PXDC1: variants seen among roughly 807,000 people sequenced by gnomAD.
PXDC1 encodes PX domain containing 1.
Under a neutral mutation model 24.4 loss-of-function variants are expected in PXDC1, and 13 were observed. That is an observed-to-expected ratio of 0.53 (90% confidence interval 0.35 to 0.85). The LOEUF (loss-of-function observed/expected upper bound fraction) is 0.85. PXDC1 is among the 40% of genes least tolerant of loss of function. PXDC1 has a pLI of 0.01. For synonymous variants in PXDC1, 162 were observed against 124.9 expected (o/e 1.30, Z -1.98); for missense variants, 344 against 309.3 (o/e 1.11, Z -0.84).
At position 3,743,691 on chromosome 6, in the gene PXDC1, G is replaced by A. The variant is rs969929510; in HGVS notation, c.257-5543C>T. On this transcript the variant is annotated intron_variant, in intron 1 of 4. Coordinates refer to ENST00000380283, the MANE Select transcript of PXDC1 (RefSeq NM_183373.4). The stretch of plus-strand genomic sequence containing the variant: ...GGAAGTTCTAACTCCCTGGGAACCT[G>A]AGGCTGCTCTTCGCTATCCGAGACT... 3.3e-5 allele frequency among the ~76,000 whole-genome samples: 5 copies of A among 152,230 alleles called. 1 individual carries two copies. Among genetic ancestry groups the A allele is most frequent in the Non-Finnish European group, 7.3e-5 (5 of 68,042 alleles).
At chr6:3,751,199 A>G in intron 1 of PXDC1, 77 bp downstream of exon 1, 1 of 1,136,416 alleles carries the variant, frequency 8.8e-7, no homozygotes, top group Non-Finnish European at 1.2e-6. Flanking sequence ...ATCTCGGTTG[A>G]AGTCTCTTCC....
At position 3,742,640 on chromosome 6, in the gene PXDC1, G is replaced by C. The variant is rs116276193; in HGVS notation, c.257-4492C>G. On this transcript the variant is annotated intron_variant, in intron 1 of 4. Coordinates refer to ENST00000380283, the MANE Select transcript of PXDC1 (RefSeq NM_183373.4). ...CACGCTTAAGGAAGTTAGCCTCAGA[G>C]TTCACAGCCCCGGAAACTGTTCTAA... 8.6e-3 allele frequency among the ~76,000 whole-genome samples: 1,313 copies of C among 152,304 alleles called. 24 individuals are homozygous for C. The highest frequency in any genetic ancestry group is 0.03 in the African/African-American group (1,257 of 41,550).
intron 1 of PXDC1, among the ~76,000 whole-genome samples, chr6:3,748,899 C>T (rs573887003): frequency 6.6e-6 from 1 of 152,380 alleles, no homozygotes; most frequent in South Asian, 2.1e-4. Context: ...AAAGCACACA[C>T]ATCTGGCTGC....
Position 3,728,464 on chromosome 6 carries a change from T to G in PXDC1, c.467-802A>C, listed in dbSNP as rs1420061115. On this transcript the variant is annotated intron_variant, in intron 3 of 4. Transcript: ENST00000380283. This position sits in a 1 kb window ranked among gnomAD's most constrained non-coding sequence, Gnocchi z 4.0. Reference sequence around the variant, plus strand: ...TTTATGTAATTCTGTATGTAAATGATTTTTTTCCCAAATAAGCACAGATTC... The same window carrying G: ...TTTATGTAATTCTGTATGTAAATGAGTTTTTTCCCAAATAAGCACAGATTC... 1.3e-5 allele frequency among the ~76,000 whole-genome samples: 2 copies of G among 152,174 alleles called. No homozygotes were observed. The highest frequency in any genetic ancestry group is 4.8e-5 in the African/African-American group (2 of 41,432).
chr6:3,743,759 A>G (rs1363204748), intron 1 of PXDC1, among the ~76,000 whole-genome samples: 1 of 152,186 alleles, frequency 6.6e-6, no homozygotes, highest in African/African-American at 2.4e-5. Context: ...ATAACTGTAC[A>G]AGGAGAGCGA....
rs538862361 is a variant in PXDC1, at chr6:3,751,521, G to A, written c.11C>T (p.Ala4Val). 10 of 1,587,658 alleles carry A rather than the reference G, an allele frequency of 6.3e-6. No individual in the cohort carries two copies. Among genetic ancestry groups the A allele is most frequent in the East Asian group, 4.6e-5 (2 of 43,090 alleles). MAS[A>V]VFEGTSLVNM... ...CACGAGCGACGTGCCCTCAAACACC[G>A]CCGAGGCCATGTCGCACGCATGCCC... The change falls in exon 1 of 5, where the codon GCG becomes GTG. Residue 4 changes from alanine to valine, a missense_variant. Physicochemically the swap from Ala to Val is moderately conservative, Grantham distance 64 (BLOSUM62 0). Coordinates refer to ENST00000380283, the MANE Select transcript of PXDC1 (RefSeq NM_183373.4).
In PXDC1 at chr6:3,724,851, C is replaced by T. The variant is rs1760023153; in HGVS notation, c.579-1115G>A. 6.6e-6 allele frequency among the ~76,000 whole-genome samples: 1 copy of T among 152,230 alleles called. No individual in the cohort carries two copies. Among genetic ancestry groups the T allele is most frequent in the Non-Finnish European group, 1.5e-5 (1 of 68,034 alleles). ...TACATCGTGCGAATCCCGCTGACCT[C>T]AAGGGACAGGGCTGTGAAGACAGCT... On this transcript the variant is annotated intron_variant, in intron 4 of 4. Coordinates refer to ENST00000380283, the MANE Select transcript of PXDC1 (RefSeq NM_183373.4). This position sits in a 1 kb window ranked among gnomAD's most constrained non-coding sequence, Gnocchi z 4.5.
intron 1 of PXDC1, 130 bp downstream of exon 1, chr6:3,751,146 C>A: frequency 2.8e-6 from 2 of 719,290 alleles, no homozygotes; most frequent in Non-Finnish European, 4.1e-6. Flanking sequence ...GGCGCGGGGT[C>A]CAAGTGTCCC....
In PXDC1 at chr6:3,728,489, C is replaced by T. The variant is rs111300625; in HGVS notation, c.467-827G>A. Among the ~76,000 whole-genome samples the T allele has an allele frequency of 8.4e-3, 1,283 of 152,146 alleles. 19 individuals are homozygous for T. The highest frequency in any genetic ancestry group is 0.029 in the African/African-American group (1,217 of 41,512). ...TTTTTTTCCCAAATAAGCACAGATT[C>T]GGGTAATTTAGAAAAGCCAGCAAAG... is the stretch of plus-strand genomic sequence containing the variant. On this transcript the variant is annotated intron_variant, in intron 3 of 4. Transcript: ENST00000380283. The surrounding 1 kb of genome is among the most constrained non-coding windows in gnomAD (Gnocchi z 4.0).
intron 3 of PXDC1, among the ~76,000 whole-genome samples, chr6:3,731,271 C>T (rs1022817490): frequency 1.3e-5 from 2 of 152,172 alleles, no homozygotes; most frequent in Non-Finnish European, 2.9e-5. Flanking sequence ...CATTTCCTCA[C>T]AGCTATTATG....
At chr6:3,743,150 C>T (rs1323544524) in intron 1 of PXDC1, among the ~76,000 whole-genome samples, 1 of 152,128 alleles carries the variant, frequency 6.6e-6, no homozygotes, top group Non-Finnish European at 1.5e-5. Context: ...CAGGGAGGAC[C>T]TTGGCCATCT....
rs971188109 is a variant in PXDC1, at chr6:3,724,617, G to A, written c.579-881C>T. On this transcript the variant is annotated intron_variant, in intron 4 of 4. Coordinates refer to ENST00000380283, the MANE Select transcript of PXDC1 (RefSeq NM_183373.4). The surrounding 1 kb of genome is among the most constrained non-coding windows in gnomAD (Gnocchi z 4.5). ...CAGGCCGCGTGGGAGTGTGGACAGAGGCAAGCAGCTGCCCCGCCCTCCTGG... is the reference window on the plus strand; with the variant it reads ...CAGGCCGCGTGGGAGTGTGGACAGAAGCAAGCAGCTGCCCCGCCCTCCTGG... Among the ~76,000 whole-genome samples, 2 of 152,190 alleles carry A rather than the reference G, an allele frequency of 1.3e-5. No homozygotes were observed. Among genetic ancestry groups the A allele is most frequent in the Admixed American group, 6.5e-5 (1 of 15,290 alleles).
intron 3 of PXDC1, among the ~76,000 whole-genome samples, chr6:3,734,586 C>A (rs1182558770): frequency 6.6e-6 from 1 of 152,100 alleles, no homozygotes; most frequent in Non-Finnish European, 1.5e-5. Flanking sequence ...GGAAAAAGGA[C>A]CCAGTCATCC....
chr6:3,728,008 G>A lies in PXDC1; in HGVS notation c.467-346C>T, dbSNP rs1201147090. ...ATCTGTGAGTCTGCGTGTGAGAGCA[G>A]AGCTATGGCACAGTGACATGTGGCT... On this transcript the variant is annotated intron_variant, in intron 3 of 4. Transcript: ENST00000380283. This position sits in a 1 kb window ranked among gnomAD's most constrained non-coding sequence, Gnocchi z 4.0. Among the ~76,000 whole-genome samples, 1 of 152,204 alleles carries A rather than the reference G, an allele frequency of 6.6e-6. No homozygotes were observed. Among genetic ancestry groups the A allele is most frequent in the Non-Finnish European group, 1.5e-5 (1 of 68,040 alleles).
At chr6:3,738,298 C>T (rs921671343) in intron 1 of PXDC1, 150 bp from the exon 2 acceptor site, 18 of 657,098 alleles carry the variant, frequency 2.7e-5, no homozygotes, top group African/African-American at 2.3e-4. Context: ...CACCTATAGC[C>T]GCTTTCTGGA....
At chr6:3,733,745 G>T (rs531213896) in intron 3 of PXDC1, among the ~76,000 whole-genome samples, 17 of 152,276 alleles carry the variant, frequency 1.1e-4, no homozygotes, top group African/African-American at 3.4e-4. Context: ...CCATGGTTAC[G>T]CAGCCCCAGA....
Position 3,738,294 on chromosome 6 carries a change from T to C in PXDC1, c.257-146A>G, listed in dbSNP as rs534976800. 30 of 665,384 alleles carry C rather than the reference T, an allele frequency of 4.5e-5. No individual in the cohort carries two copies. In the South Asian group the frequency reaches 4.6e-4, roughly 10 times the overall value. The allele number at this position is 665,384 out of a possible 1,614,324, so 41.2% of individuals were successfully genotyped here. On this transcript the variant is annotated intron_variant, in intron 1 of 4. Transcript: ENST00000380283. ...ACATTCATTCAGCCTTATGCACCTATAGCCGCTTTCTGGAAGTCCTGCTCT... is the reference window on the plus strand; with the variant it reads ...ACATTCATTCAGCCTTATGCACCTACAGCCGCTTTCTGGAAGTCCTGCTCT...
intron 3 of PXDC1, among the ~76,000 whole-genome samples, chr6:3,736,503 T>C (rs1268310950): frequency 6.6e-6 from 1 of 152,194 alleles, no homozygotes; most frequent in East Asian, 1.9e-4. Context: ...AAAATCCTCC[T>C]CATCAGCCTT....
chr6:3,732,143 C>T (rs563747738), intron 3 of PXDC1, among the ~76,000 whole-genome samples: 66 of 152,352 alleles, frequency 4.3e-4, no homozygotes, highest in African/African-American at 1.5e-3. Flanking sequence ...GGCAATTTTT[C>T]TGTTTTTTAG....
Sources: allele counts gnomAD v4.1 joint callset (sites outside exome capture counted in the v4.1 genomes callset), GRCh38; gene constraint gnomAD v4.1.1; non-coding constraint Gnocchi (gnomAD v3.1); transcripts MANE v1.5; gene names NCBI Gene and HGNC (gene_info 2026-07-23, HGNC 2026-07-21).